The following RPSA variants were observed in gnomAD, a reference collection of about 807,000 sequenced individuals.
The protein encoded by RPSA is small ribosomal subunit protein uS2.
For missense variants in RPSA, 140 were observed against 372.8 expected (o/e 0.38, Z 5.14); for synonymous variants, 103 against 126.7 (o/e 0.81, Z 1.25).
rs763772216 is a variant in RPSA, at chr3:39,411,739, G to A, written c.589G>A (p.Val197Ile). 17 of 1,600,072 alleles carry A rather than the reference G, an allele frequency of 1.1e-5. No homozygotes were observed. The highest frequency in any genetic ancestry group is 1.3e-5 in the Non-Finnish European group (15 of 1,179,902). ...GTISREHPWE[V>I]MPDLYFYRDP... ...CATTTCCCGTGAACACCCATGGGAG[G>A]TCATGCCTGATCTGTACTTCTACAG... Residue 197 changes from valine (V) to isoleucine (I), a missense_variant, in exon 5 of 7, where the codon GTC (valine) becomes ATC (isoleucine). Coordinates refer to ENST00000301821, the MANE Select transcript of RPSA (RefSeq NM_002295.6).
chr3:39,412,227 T>A, intron 6 of RPSA, 47 bp from the exon 7 acceptor site: 1 of 1,475,250 alleles, frequency 6.8e-7, no homozygotes. Context: ...GGAAAAATAC[T>A]ACATTGAGGA....
intron 3 of RPSA, among the ~76,000 whole-genome samples, chr3:39,409,246 T>TA (rs141128329): frequency 7.1e-6 from 1 of 141,316 alleles, no homozygotes; most frequent in Non-Finnish European, 1.5e-5. Context: ...CTGTTGTCCA[T>TA]CCTGGACTGC....
chr3:39,406,933 TG>T (rs1559397943), intron 1 of RPSA, 169 bp downstream of exon 1: 1 of 453,278 alleles, frequency 2.2e-6, no homozygotes, highest in Admixed American at 2.4e-5. Context: ...AGGCTCGGGC[TG>T]GCGGGTTCCC....
rs769483620 is a variant in RPSA, at chr3:39,412,245, G to C, written c.794-29G>C. 3.2e-6 allele frequency: 5 copies of C among 1,555,970 alleles called. No individual in the cohort carries two copies. In the South Asian group the frequency reaches 4.5e-5, roughly 14 times the overall value. ...AAAATACTACATTGAGGACAGAGCTGATGGCTTTTTTTGGTATTCTCTTAA... is the reference window on the plus strand; with the variant it reads ...AAAATACTACATTGAGGACAGAGCTCATGGCTTTTTTTGGTATTCTCTTAA... On this transcript the variant is annotated intron_variant, in intron 6 of 6. Transcript: ENST00000301821.
chr3:39,410,655 T>C (rs1369096448), intron 3 of RPSA, 99 bp from the exon 4 acceptor site: 5 of 1,300,670 alleles, frequency 3.8e-6, no homozygotes, highest in Non-Finnish European at 4.5e-6. Context: ...TTACATGGAG[T>C]AGTAGTGATT....
chr3:39,409,875 T>C (rs986053888), intron 3 of RPSA, among the ~76,000 whole-genome samples: 2 of 152,096 alleles, frequency 1.3e-5, no homozygotes, highest in Non-Finnish European at 2.9e-5. Context: ...TTTTGTAATA[T>C]GGGGTACTTT....
intron 2 of RPSA, chr3:39,408,113 A>G (rs756694216): frequency 2.9e-5 from 11 of 373,314 alleles, no homozygotes; most frequent in East Asian, 2.0e-4. Flanking sequence ...TTTTGAGTGG[A>G]AAGTGGGGTA....
chr3:39,412,291 C>T lies in RPSA; in HGVS notation c.811C>T (p.Pro271Ser), dbSNP rs1467191862. Reference protein sequence around the residue: ...QFPTEDWSAQPATEDWSAAPT... With the variant: ...QFPTEDWSAQSATEDWSAAPT... ...CTTAACAGAAGACTGGAGCGCTCAG[C>T]CTGCCACGGAAGACTGGTCTGCAGC... Residue 271 changes from proline (P) to serine (S), a missense_variant, in exon 7 of 7, where the codon CCT (proline) becomes TCT (serine). Coordinates refer to ENST00000301821, the MANE Select transcript of RPSA (RefSeq NM_002295.6). 1.9e-6 allele frequency: 3 copies of T among 1,610,054 alleles called. No homozygotes were observed. Among genetic ancestry groups the T allele is most frequent in the East Asian group, 2.2e-5 (1 of 44,868 alleles).
intron 2 of RPSA, 102 bp downstream of exon 2, chr3:39,407,888 A>G (rs1195957484): frequency 3.3e-5 from 28 of 857,118 alleles, no homozygotes; most frequent in Non-Finnish European, 1.5e-5. Context: ...TATCTTCCTT[A>G]AATGAAGCCA....
Position 39,406,720 on chromosome 3 carries a change from C to T in RPSA, c.-78C>T, listed in dbSNP as rs1186330235. ...AAGGACGTCATTTCCTGCCGCCTGT[C>T]TTTTCCGTGCTACCTGCAGAGGGGT... is the stretch of plus-strand genomic sequence containing the variant. On this transcript the variant is annotated 5_prime_UTR_variant, in exon 1 of 7. Transcript: ENST00000301821. 1.4e-5 allele frequency: 5 copies of T among 349,254 alleles called. No individual in the cohort carries two copies. Among genetic ancestry groups the T allele is most frequent in the African/African-American group, 4.5e-5 (2 of 44,100 alleles). 21.6% of individuals were successfully genotyped at this position (349,254 alleles called of 1,614,324 possible).
intron 3 of RPSA, chr3:39,408,996 A>C (rs1184308656): frequency 1.1e-5 from 4 of 369,624 alleles, no homozygotes; most frequent in Non-Finnish European, 2.0e-5. Flanking sequence ...CAAAGTGGAG[A>C]ATGGCGTGAA....
At position 39,411,768 on chromosome 3, in the gene RPSA, T is replaced by A. The variant is rs1437583272; in HGVS notation, c.618T>A (p.Asp206Glu). The A allele has an allele frequency of 1.3e-6, 2 of 1,599,808 alleles. No individual in the cohort carries two copies. Among genetic ancestry groups the A allele is most frequent in the Non-Finnish European group, 1.7e-6 (2 of 1,179,924 alleles). The change falls in exon 5 of 7, where the codon GAT (aspartate) becomes GAA (glutamate). Residue 206 changes from aspartate to glutamate, a missense_variant. By Grantham distance (45) the Asp-to-Glu change is conservative. Transcript: ENST00000301821. ...TGCCTGATCTGTACTTCTACAGAGA[T>A]CCTGAAGAGGTAAGCTTCTCCAAAG... The part of the protein sequence containing the change: ...EVMPDLYFYR[D>E]PEEIEKEEQA...
chr3:39,411,405 G>A, intron 4 of RPSA: 1 of 569,324 alleles, frequency 1.8e-6, no homozygotes, highest in African/African-American at 1.9e-5. Flanking sequence ...AACCCTAGTT[G>A]TGCATAAGAA....
At position 39,408,655 on chromosome 3, in the gene RPSA, A is replaced by C. The variant is rs750580550; in HGVS notation, c.183A>C (p.Ala61=). 7 of 1,613,508 alleles carry C rather than the reference A, an allele frequency of 4.3e-6. No homozygotes were observed. Among genetic ancestry groups the C allele is most frequent in the Non-Finnish European group, 5.9e-6 (7 of 1,179,518 alleles). Residue 61 remains alanine, a synonymous_variant, in exon 3 of 7, where the codon GCA becomes GCC. Coordinates refer to ENST00000301821, the MANE Select transcript of RPSA (RefSeq NM_002295.6). The stretch of plus-strand genomic sequence containing the variant: ...GGACCTGGGAGAAGCTTCTGCTGGC[A>C]GCTCGTGCAATTGTTGCCATTGAAA... The part of the protein sequence containing the change: ...LKRTWEKLLL[A]ARAIVAIENP...
chr3:39,411,640 T>C lies in RPSA; in HGVS notation c.499-9T>C. ...GTGTCACTTTTTAATAATCTGCCACTCTTGGCAGGGAGCTCACTCAGTGGG... is the reference window on the plus strand; with the variant it reads ...GTGTCACTTTTTAATAATCTGCCACCCTTGGCAGGGAGCTCACTCAGTGGG... On this transcript the variant is annotated splice_polypyrimidine_tract_variant and intron_variant, in intron 4 of 6. Transcript: ENST00000301821. 1 of 1,609,912 alleles carries C rather than the reference T, an allele frequency of 6.2e-7. No homozygotes were observed. Among genetic ancestry groups the C allele is most frequent in the African/African-American group, 1.3e-5 (1 of 75,034 alleles).
At chr3:39,406,950 G>A in intron 1 of RPSA, 186 bp downstream of exon 1, 1 of 452,982 alleles carries the variant, frequency 2.2e-6, no homozygotes, top group Non-Finnish European at 4.4e-6. Context: ...TTCCCAGAGT[G>A]CCCCGGGAGC....
intron 1 of RPSA, 78 bp downstream of exon 1, chr3:39,406,842 G>A (rs1167968205): frequency 1.3e-5 from 6 of 456,160 alleles, no homozygotes; most frequent in Middle Eastern, 3.2e-4. Context: ...AGGGTGAGAA[G>A]ACTAGTGATG....
At chr3:39,408,876 A>G (rs2041960250) in intron 3 of RPSA, 152 bp downstream of exon 3, 2 of 591,630 alleles carry the variant, frequency 3.4e-6, no homozygotes, top group Non-Finnish European at 3.1e-6. Flanking sequence ...AGTCCGGCGT[A>G]TTACGAGGTC....
At chr3:39,410,690 T>C (rs927431163) in intron 3 of RPSA, 64 bp from the exon 4 acceptor site, 1 of 1,601,344 alleles carries the variant, frequency 6.2e-7, no homozygotes, top group African/African-American at 1.3e-5. Flanking sequence ...CCAGAAGTGC[T>C]TACTGGGTGC....
Sources: allele counts gnomAD v4.1 joint callset (sites outside exome capture counted in the v4.1 genomes callset), GRCh38; gene constraint gnomAD v4.1.1; transcripts MANE v1.5; gene names NCBI Gene and HGNC (gene_info 2026-07-23, HGNC 2026-07-21).